The following DAB1 variants were observed in gnomAD, a reference collection of about 807,000 sequenced individuals.
DAB1 encodes DAB adaptor protein 1, also known as disabled homolog 1.
DAB1 carries 15 observed loss-of-function variants against 64.6 expected under a neutral mutation model. The observed-to-expected ratio is 0.23, with a 90% CI of 0.16 to 0.36. DAB1 has a LOEUF of 0.36. DAB1 is among the 10% of genes least tolerant of loss of function. DAB1 has a pLI of 1.00. For synonymous variants in DAB1, 235 were observed against 251.9 expected (o/e 0.93, Z 0.64); for missense variants, 596 against 706.7 (o/e 0.84, Z 1.78).
Position 57,014,876 on chromosome 1 carries a change from C to T in DAB1, c.1444+7G>A. The T allele has an allele frequency of 6.5e-7, 1 of 1,542,070 alleles. No individual in the cohort carries two copies. The highest frequency in any genetic ancestry group is 8.8e-7 in the Non-Finnish European group (1 of 1,142,716). The stretch of plus-strand genomic sequence containing the variant: ...TGGGTTTTATGTCTTAAGTGAGGGG[C>T]ACTCACGTGAGTTGGTCGATGGTGT... On this transcript the variant is annotated splice_region_variant and intron_variant, in intron 12 of 14. Transcript: ENST00000371236.
intron 5 of DAB1, among the ~76,000 whole-genome samples, chr1:58,142,998 C>G (rs758185169): frequency 1.3e-5 from 2 of 152,118 alleles, no homozygotes; most frequent in Non-Finnish European, 2.9e-5. Flanking sequence ...AATGGAAATT[C>G]TCGGTGTTCC....
rs150905541 is a variant in DAB1 at position 58,543,023 on chromosome 1, A to G, written n.32+3680T>C. Among the ~76,000 whole-genome samples, 546 of 152,292 alleles carry G rather than the reference A, an allele frequency of 3.6e-3. 4 individuals are homozygous for G. Among genetic ancestry groups the G allele is most frequent in the African/African-American group, 0.012 (482 of 41,568 alleles). On this transcript the variant is annotated intron_variant and non_coding_transcript_variant, in intron 1 of 20. Transcript: ENST00000485760. ...AAAAAGTGGATCCACAGAAAAGACAATGGACTATTAAGTGTAGACAGAAGA... is the reference window on the plus strand; with the variant it reads ...AAAAAGTGGATCCACAGAAAAGACAGTGGACTATTAAGTGTAGACAGAAGA...
intron 6 of DAB1, among the ~76,000 whole-genome samples, chr1:57,677,894 C>A (rs941599771): frequency 6.6e-6 from 1 of 152,106 alleles, no homozygotes; most frequent in Non-Finnish European, 1.5e-5. Flanking sequence ...TATTTGTCCA[C>A]GGGTATCATT....
chr1:57,478,603 T>A, intron 7 of DAB1, among the ~76,000 whole-genome samples: 1 of 142,334 alleles, frequency 7.0e-6, no homozygotes, highest in Non-Finnish European at 1.5e-5. Flanking sequence ...TTTTTTTTTT[T>A]TTTTTTTGAG....
At chr1:58,121,472 C>T (rs1440054313) in intron 5 of DAB1, among the ~76,000 whole-genome samples, 1 of 152,140 alleles carries the variant, frequency 6.6e-6, no homozygotes, top group Non-Finnish European at 1.5e-5. Flanking sequence ...TTTCCCCTAC[C>T]ACCTAAGTAA....
intron 6 of DAB1, among the ~76,000 whole-genome samples, chr1:57,677,204 C>A (rs1478102137): frequency 6.6e-6 from 1 of 152,164 alleles, no homozygotes; most frequent in African/African-American, 2.4e-5. Context: ...CCTGATGATA[C>A]CTTGATCTTG....
chr1:58,336,570 A>C (rs1569656683), intron 4 of DAB1, among the ~76,000 whole-genome samples: 1 of 152,214 alleles, frequency 6.6e-6, no homozygotes. Flanking sequence ...CATACTACTA[A>C]TAAGTGGCAG....
intron 8 of DAB1, among the ~76,000 whole-genome samples, 184 bp from the exon 9 acceptor site, chr1:57,063,127 G>T (rs1201575325): frequency 6.6e-6 from 1 of 152,144 alleles, no homozygotes; most frequent in African/African-American, 2.4e-5. Flanking sequence ...AGGAGCATCA[G>T]ATGGGGACAG....
chr1:58,174,896 C>T (rs1015834466), intron 4 of DAB1, among the ~76,000 whole-genome samples: 2 of 152,104 alleles, frequency 1.3e-5, no homozygotes, highest in African/African-American at 4.8e-5. Flanking sequence ...TGTAAATGCA[C>T]CAATCAGCAC....
At chr1:57,072,503 A>C in intron 4 of DAB1, 89 bp from the exon 5 acceptor site, 1 of 1,449,546 alleles carries the variant, frequency 6.9e-7, no homozygotes, top group Non-Finnish European at 9.5e-7. Flanking sequence ...GCTACGTGTG[A>C]ACAGGCCCGA....
At chr1:57,957,511 T>C (rs957965098) in intron 5 of DAB1, among the ~76,000 whole-genome samples, 1 of 152,186 alleles carries the variant, frequency 6.6e-6, no homozygotes, top group Non-Finnish European at 1.5e-5. Context: ...AAAAAGGTTA[T>C]TGGATATATA....
chr1:58,288,532 A>G (rs1661743961), intron 4 of DAB1, among the ~76,000 whole-genome samples: 1 of 152,194 alleles, frequency 6.6e-6, no homozygotes. Context: ...TTGTGCAGAT[A>G]AAGATCTACT....
intron 3 of DAB1, among the ~76,000 whole-genome samples, chr1:58,386,941 T>A (rs541943240): frequency 6.6e-6 from 1 of 152,172 alleles, no homozygotes; most frequent in Non-Finnish European, 1.5e-5. Flanking sequence ...ATGCCTGTAA[T>A]CCCAGCTACT....
chr1:58,397,198 C>T (rs1239297839), intron 3 of DAB1, among the ~76,000 whole-genome samples: 1 of 152,204 alleles, frequency 6.6e-6, no homozygotes, highest in Non-Finnish European at 1.5e-5. Context: ...CCCTCAAGGT[C>T]TAAGAGCTGA....
intron 6 of DAB1, among the ~76,000 whole-genome samples, chr1:57,791,846 G>C (rs1261421857): frequency 6.6e-6 from 1 of 152,110 alleles, no homozygotes. Flanking sequence ...CCCCAGGCTT[G>C]ACCACCCTCT....
chr1:57,938,579 C>T (rs1372084401), intron 5 of DAB1, among the ~76,000 whole-genome samples: 1 of 152,204 alleles, frequency 6.6e-6, no homozygotes, highest in Non-Finnish European at 1.5e-5. Context: ...TTCTGTCTTA[C>T]CTCCTGCCAT....
At chr1:57,880,218 C>T (rs61770278) in intron 1 of DAB1, 36,370 of 151,770 alleles carry the variant, frequency 0.24, 5,070 homozygotes, top group Non-Finnish European at 0.32. Context: ...GCCTGCTCTG[C>T]TACAAAGCTG....
In DAB1 at chr1:58,266,475, C is replaced by A. The variant is rs6673909; in HGVS notation, n.309+76877G>T. ...ATGGAGACTTTTACCCAGGATCTGA[C>A]ACATTAACTGTGGGACATCTGGTAA... is the stretch of plus-strand genomic sequence containing the variant. On this transcript the variant is annotated intron_variant and non_coding_transcript_variant, in intron 4 of 20. Coordinates refer to the DAB1 transcript ENST00000485760. 1.2e-3 allele frequency among the ~76,000 whole-genome samples: 182 copies of A among 152,344 alleles called. 1 individual carries two copies. Among genetic ancestry groups the A allele is most frequent in the African/African-American group, 4.2e-3 (174 of 41,576 alleles).
intron 6 of DAB1, among the ~76,000 whole-genome samples, chr1:57,662,931 ATGTT>A: frequency 6.6e-6 from 1 of 152,336 alleles, no homozygotes; most frequent in Non-Finnish European, 1.5e-5. Flanking sequence ...TTGGACTACC[ATGTT>A]TGATACTGAA....
Sources: allele counts gnomAD v4.1 joint callset (sites outside exome capture counted in the v4.1 genomes callset), GRCh38; gene constraint gnomAD v4.1.1; transcripts MANE v1.5; gene names NCBI Gene and HGNC (gene_info 2026-07-23, HGNC 2026-07-21).